Variants in HAPSTR1 observed in about 807,000 individuals in gnomAD.
HAPSTR1 encodes the protein HUWE1-associated protein modifying stress responses 1.
At chr16:9,092,837 T>A in the HAPSTR1 span, 1 of 1,371,014 alleles carries the variant, frequency 7.3e-7, no homozygotes, top group South Asian at 1.3e-5. Flanking sequence ...GACGCGCAAA[T>A]AACATTCTTG....
the HAPSTR1 span, chr16:9,117,198 C>G: frequency 2.9e-6 from 1 of 343,450 alleles, no homozygotes; most frequent in Non-Finnish European, 5.4e-6. Flanking sequence ...CTAAAAGTGA[C>G]CTTAACTGTA....
the HAPSTR1 span, chr16:9,108,438 G>A: frequency 6.6e-6 from 1 of 152,002 alleles, no homozygotes; most frequent in African/African-American, 2.4e-5. Context: ...CCCCAACCTC[G>A]ACCTTCCGAA....
At chr16:9,116,990 CAT>C in the HAPSTR1 span, 2 of 1,559,692 alleles carry the variant, frequency 1.3e-6, no homozygotes, top group Non-Finnish European at 1.7e-6. Context: ...GCAAAGGAAA[CAT>C]GAGGCCATCT....
At chr16:9,092,415 C>T in the HAPSTR1 span, 3 of 711,204 alleles carry the variant, frequency 4.2e-6, no homozygotes, top group Admixed American at 4.8e-5. Flanking sequence ...GCCCTGCCGC[C>T]CCCTCCCCGC....
chr16:9,108,438 G>C, the HAPSTR1 span: 1 of 152,002 alleles, frequency 6.6e-6, no homozygotes, highest in Admixed American at 6.6e-5. Context: ...CCCCAACCTC[G>C]ACCTTCCGAA....
chr16:9,095,118 A>G, the HAPSTR1 span, among the ~76,000 whole-genome samples: 3 of 152,220 alleles, frequency 2.0e-5, no homozygotes, highest in South Asian at 2.1e-4. Flanking sequence ...AGTCTGAACT[A>G]GTTTTATTTT....
At chr16:9,113,929 T>G in the HAPSTR1 span, among the ~76,000 whole-genome samples, 1 of 152,198 alleles carries the variant, frequency 6.6e-6, no homozygotes, top group South Asian at 2.1e-4. Flanking sequence ...ACATCAACAG[T>G]TGAACCTTTG....
At chr16:9,100,931 G>A in the HAPSTR1 span, among the ~76,000 whole-genome samples, 1 of 152,098 alleles carries the variant, frequency 6.6e-6, no homozygotes, top group African/African-American at 2.4e-5. Flanking sequence ...GCAGGGCTGG[G>A]CTTACCTCCA....
the HAPSTR1 span, among the ~76,000 whole-genome samples, chr16:9,095,945 C>T: frequency 2.7e-5 from 4 of 150,700 alleles, no homozygotes; most frequent in Non-Finnish European, 5.9e-5. Context: ...TCAGTAGTAT[C>T]CTTAGATCAG....
chr16:9,095,454 A>G, the HAPSTR1 span, among the ~76,000 whole-genome samples: 4 of 152,082 alleles, frequency 2.6e-5, no homozygotes, highest in African/African-American at 7.2e-5. Flanking sequence ...AAGGGGGGAA[A>G]AATTTGGTGG....
the HAPSTR1 span, chr16:9,107,696 C>CT: frequency 6.6e-6 from 1 of 152,262 alleles, no homozygotes; most frequent in East Asian, 1.9e-4. Context: ...CCTCTATGCT[C>CT]TTTGACAAGT....
the HAPSTR1 span, among the ~76,000 whole-genome samples, chr16:9,096,334 CTG>C: frequency 6.6e-6 from 1 of 152,100 alleles, no homozygotes; most frequent in African/African-American, 2.4e-5. Context: ...AGTTTATTTT[CTG>C]TCTTTTTAAA....
chr16:9,121,493 A>T, the HAPSTR1 span: 1 of 152,218 alleles, frequency 6.6e-6, no homozygotes, highest in Non-Finnish European at 1.5e-5. Context: ...CGTATGAAGG[A>T]AGACTTTTTG....
the HAPSTR1 span, among the ~76,000 whole-genome samples, chr16:9,102,786 T>C: frequency 6.6e-6 from 1 of 152,196 alleles, no homozygotes; most frequent in Non-Finnish European, 1.5e-5. Flanking sequence ...AAGTAAACAC[T>C]GAATTTAGAC....
chr16:9,101,262 C>A, the HAPSTR1 span, among the ~76,000 whole-genome samples: 10 of 152,144 alleles, frequency 6.6e-5, no homozygotes, highest in African/African-American at 2.4e-4. Flanking sequence ...AAGTGGTGAC[C>A]CTCTCTACTG....
chr16:9,101,057 T>C, the HAPSTR1 span, among the ~76,000 whole-genome samples: 1 of 152,258 alleles, frequency 6.6e-6, no homozygotes, highest in African/African-American at 2.4e-5. Context: ...ACCTGATTGC[T>C]TCTAGGTTAA....
the HAPSTR1 span, chr16:9,092,374 G>GGCC: frequency 9.3e-7 from 1 of 1,071,632 alleles, no homozygotes; most frequent in East Asian, 3.5e-5. Flanking sequence ...CGACGGCGGC[G>GGCC]GCCTCGGGGA....
At chr16:9,101,726 CTG>C in the HAPSTR1 span, among the ~76,000 whole-genome samples, 2 of 146,896 alleles carry the variant, frequency 1.4e-5, no homozygotes, top group East Asian at 3.9e-4. Context: ...TTGGCATCCT[CTG>C]TGATGTCTGG....
chr16:9,110,850 C>G, the HAPSTR1 span: 1 of 152,322 alleles, frequency 6.6e-6, no homozygotes, highest in Non-Finnish European at 1.5e-5. Flanking sequence ...CCGGCCTGAC[C>G]AACTTGGAGA....
Sources: allele counts gnomAD v4.1 joint callset (sites outside exome capture counted in the v4.1 genomes callset), GRCh38; gene constraint gnomAD v4.1.1; transcripts MANE v1.5; gene names NCBI Gene and HGNC (gene_info 2026-07-23, HGNC 2026-07-21).